The following CA11 variants were observed in gnomAD, a reference collection of about 807,000 sequenced individuals.
The protein encoded by CA11 is carbonic anhydrase-related protein 11.
In CA11, 20 loss-of-function variants were observed where a neutral mutation model predicts 39.3. The ratio of observed to expected loss-of-function variants is 0.51; its 90% CI spans 0.36 to 0.74. The LOEUF (loss-of-function observed/expected upper bound fraction) is 0.74, where lower values mean the gene tolerates loss of function less well. CA11 is among the 30% of genes least tolerant of loss of function. The probability of loss-of-function intolerance (pLI) is 0.00; values close to 1 mark genes in which losing one functional copy is unlikely to be tolerated. For missense variants in CA11, 336 were observed against 424.6 expected, an observed-to-expected ratio of 0.79 and a Z score of 1.83; for synonymous variants, 166 against 172.5, an observed-to-expected ratio of 0.96 and a Z score of 0.29.
chr19:48,638,115 A>G lies in CA11; in HGVS notation c.*4T>C. The G allele has an allele frequency of 7.7e-7, 1 of 1,300,282 alleles. No individual in the cohort carries two copies. The highest frequency in any genetic ancestry group is 1.0e-6 in the Non-Finnish European group (1 of 1,003,810). The allele number at this position is 1,300,282 out of a possible 1,614,324, so 80.5% of individuals were successfully genotyped here. On this transcript the variant is annotated 3_prime_UTR_variant, in exon 9 of 9. Coordinates refer to ENST00000084798, the MANE Select transcript of CA11 (RefSeq NM_001217.5). The stretch of plus-strand genomic sequence containing the variant: ...CGGGCGGGTGCAATCCTCGAAGGGG[A>G]GTCTCAGCGACCATGGGGGACACCA...
chr19:48,644,553 GC>G lies in CA11; in HGVS notation c.158del (p.Gly53AlafsTer3). 6.3e-7 allele frequency: 1 copy of G among 1,593,880 alleles called. No homozygotes were observed. Among genetic ancestry groups the G allele is most frequent in the African/African-American group, 1.3e-5 (1 of 74,384 alleles). ...ACAGACTCCACGCTGCATTCACCAG[GC>G]CCCAGAAAGGAGGCCCTGGGGGTGG... ...GNFVPGPPFW[G>X]LVNAAWSLCA... On this transcript the variant is annotated frameshift_variant, in exon 3 of 9. Coordinates refer to ENST00000084798, the MANE Select transcript of CA11 (RefSeq NM_001217.5). LOFTEE classifies it high-confidence loss of function.
intron 2 of CA11, 115 bp downstream of exon 2, chr19:48,645,288 G>A: frequency 1.1e-6 from 1 of 874,880 alleles, no homozygotes; most frequent in Non-Finnish European, 1.8e-6. Flanking sequence ...GGACAGAGGA[G>A]GGGGCTGGGA....
chr19:48,638,773 C>A, intron 8 of CA11, 115 bp downstream of exon 8: 1 of 1,154,664 alleles, frequency 8.7e-7, no homozygotes, highest in Non-Finnish European at 1.2e-6. Context: ...GCTCACGAGG[C>A]TAGACCATAT....
chr19:48,646,085 T>A lies in CA11; in HGVS notation c.-453A>T. ...CTGCCTCTTCTCCCCTCTCTCCTTC[T>A]TCACCTCCTCCCGCCCTCCCTCAGT... On this transcript the variant is annotated 5_prime_UTR_variant, in exon 1 of 9. It adds an upstream start codon to the 5' untranslated region. Transcript: ENST00000084798. The A allele has an allele frequency of 3.3e-6, 1 of 304,426 alleles. No individual in the cohort carries two copies. The highest frequency in any genetic ancestry group is 6.0e-6 in the Non-Finnish European group (1 of 165,848). The allele number at this position is 304,426 out of a possible 1,614,324, so 18.9% of individuals were successfully genotyped here.
chr19:48,638,735 C>T (rs914425880), intron 8 of CA11, among the ~76,000 whole-genome samples, 153 bp downstream of exon 8: 1 of 151,990 alleles, frequency 6.6e-6, no homozygotes, highest in Non-Finnish European at 1.5e-5. Context: ...ACCACATAGA[C>T]ATGTAGGGAA....
chr19:48,643,119 T>C lies in CA11; in HGVS notation c.285+1308A>G, dbSNP rs1229223637. Among the ~76,000 whole-genome samples the C allele has an allele frequency of 6.6e-6, 1 of 152,118 alleles. No individual in the cohort carries two copies. The highest frequency in any genetic ancestry group is 1.5e-5 in the Non-Finnish European group (1 of 68,032). On this transcript the variant is annotated intron_variant, in intron 3 of 8. Coordinates refer to ENST00000084798, the MANE Select transcript of CA11 (RefSeq NM_001217.5). The surrounding 1 kb of genome is among the most constrained non-coding windows in gnomAD (Gnocchi z 4.3). ...GGCATGTGCCTGCAGTCCTGGCTTCTTCCTTCCTTTCCTTCCTTCCCTTCC... is the reference window on the plus strand; with the variant it reads ...GGCATGTGCCTGCAGTCCTGGCTTCCTCCTTCCTTTCCTTCCTTCCCTTCC...
At chr19:48,641,793 T>A (rs1440169346) in intron 3 of CA11, among the ~76,000 whole-genome samples, 1 of 150,516 alleles carries the variant, frequency 6.6e-6, no homozygotes, top group South Asian at 2.1e-4. Context: ...CACAGTCACA[T>A]ACCACCATGC....
chr19:48,638,348 T>C (rs2030917856), intron 8 of CA11: 1 of 599,436 alleles, frequency 1.7e-6, no homozygotes, highest in African/African-American at 3.0e-5. Flanking sequence ...GATTCAGCAG[T>C]AGGCTGAACT....
At position 48,639,532 on chromosome 19, in the gene CA11, G is replaced by A. The variant is rs1417523893; in HGVS notation, c.640+17C>T. 1 of 1,613,976 alleles carries A rather than the reference G, an allele frequency of 6.2e-7. No homozygotes were observed. The highest frequency in any genetic ancestry group is 8.5e-7 in the Non-Finnish European group (1 of 1,179,910). On this transcript the variant is annotated intron_variant, in intron 6 of 8. Transcript: ENST00000084798. ...CCCTCGTGTGTGACCACTGCCCCCA[G>A]CACGCCAGGGACTTACTCTTGTAGG...
chr19:48,638,389 G>GGT, intron 8 of CA11: 5 of 475,924 alleles, frequency 1.1e-5, no homozygotes, highest in Non-Finnish European at 1.0e-5. Context: ...GGGGGGGGGT[G>GGT]TGGACTGTAC....
intron 8 of CA11, chr19:48,638,396 G>C: frequency 1.3e-6 from 1 of 795,802 alleles, no homozygotes; most frequent in Non-Finnish European, 1.6e-6. Flanking sequence ...GGTGTGGACT[G>C]TACCATGTTG....
At chr19:48,638,696 CA>C (rs1225872475) in intron 8 of CA11, among the ~76,000 whole-genome samples, 191 bp downstream of exon 8, 1 of 152,018 alleles carries the variant, frequency 6.6e-6, no homozygotes, top group African/African-American at 2.4e-5. Context: ...CGTGGGCTAG[CA>C]ATGGCCTAGG....
Position 48,640,010 on chromosome 19 carries a change from G to C in CA11, c.471+85C>G. On this transcript the variant is annotated intron_variant, in intron 4 of 8. Coordinates refer to ENST00000084798, the MANE Select transcript of CA11 (RefSeq NM_001217.5). ...GGAGGCCAGTTCTGTGGAGGAGGAT[G>C]GGGTGAGACACTAAGAGGGTGAGGT... is the stretch of plus-strand genomic sequence containing the variant. 3.3e-6 allele frequency: 5 copies of C among 1,513,010 alleles called. 1 individual carries two copies. The South Asian group carries it at 5.8e-5, about 18-fold the overall frequency. The allele number at this position is 1,513,010 out of a possible 1,614,324, so 93.7% of individuals were successfully genotyped here.
chr19:48,644,610 TAG>T, intron 2 of CA11, 41 bp from the exon 3 acceptor site: 1 of 1,474,878 alleles, frequency 6.8e-7, no homozygotes, highest in African/African-American at 1.4e-5. Flanking sequence ...GAGTCAGAAA[TAG>T]AGACTGGATC....
At chr19:48,639,084 G>A in intron 7 of CA11, 31 bp from the exon 8 acceptor site, 2 of 1,612,414 alleles carry the variant, frequency 1.2e-6, no homozygotes, top group South Asian at 2.2e-5. Flanking sequence ...GAAACTGGGA[G>A]TGAATAGTGA....
intron 2 of CA11, 92 bp downstream of exon 2, chr19:48,645,311 G>T (rs1012532111): frequency 1.1e-5 from 12 of 1,132,504 alleles, no homozygotes; most frequent in East Asian, 7.7e-5. Context: ...CCTGGTCCTG[G>T]GGGGGAGGAG....
chr19:48,639,570 T>G lies in CA11; in HGVS notation c.619A>C (p.Ile207Leu), dbSNP rs761018211. ...FLSRLLNRDT[I>L]TRISYKNDAY... is the part of the protein sequence containing the mutation. Reference sequence around the variant, plus strand: ...TTACTCTTGTAGGAGATGCGAGTGATGGTGTCGCGGTTAAGGAGGCGACTG... The same window carrying G: ...TTACTCTTGTAGGAGATGCGAGTGAGGGTGTCGCGGTTAAGGAGGCGACTG... Residue 207 changes from isoleucine (I) to leucine (L), a missense_variant, in exon 6 of 9, where the codon ATC becomes CTC. Ile to Leu is a conservative substitution (Grantham distance 5). Transcript: ENST00000084798. 3 of 1,613,956 alleles carry G rather than the reference T, an allele frequency of 1.9e-6. No individual in the cohort carries two copies. The highest frequency in any genetic ancestry group is 1.7e-6 in the Non-Finnish European group (2 of 1,179,950).
chr19:48,644,512 CG>C lies in CA11; in HGVS notation c.199del (p.Arg67GlyfsTer9), dbSNP rs2031187281. 6.2e-7 allele frequency: 1 copy of C among 1,611,818 alleles called. No individual in the cohort carries two copies. The part of the protein sequence containing the change: ...AAWSLCAVGK[R>X]QSPVDVELKR... ...CAGCTCCACATCCACGGGGCTCTGC[CG>C]CTTCCCCACAGCACACAGACTCCAC... On this transcript the variant is annotated frameshift_variant, in exon 3 of 9. Coordinates refer to ENST00000084798, the MANE Select transcript of CA11 (RefSeq NM_001217.5). LOFTEE classifies it high-confidence loss of function.
At chr19:48,645,275 G>A (rs2031212200) in intron 2 of CA11, 128 bp downstream of exon 2, 3 of 772,954 alleles carry the variant, frequency 3.9e-6, no homozygotes, top group Non-Finnish European at 4.2e-6. Flanking sequence ...CCCGACTCCT[G>A]AGGGACAGAG....
Sources: gnomAD v4.1 joint callset for allele counts (sites outside exome capture counted in the v4.1 genomes callset) on GRCh38, gnomAD v4.1.1 for gene constraint, Gnocchi (gnomAD v3.1) non-coding constraint, MANE v1.5 for transcripts, NCBI Gene and HGNC (gene_info 2026-07-23, HGNC 2026-07-21) for gene names.